ARFIP1: variants seen among roughly 807,000 people sequenced by gnomAD.
ARFIP1 encodes the protein arfaptin-1.
Under a neutral mutation model 42.5 loss-of-function variants are expected in ARFIP1, and 24 were observed. The ratio of observed to expected loss-of-function variants is 0.57; its 90% CI spans 0.41 to 0.80. The LOEUF (loss-of-function observed/expected upper bound fraction) is 0.80, where lower values mean the gene tolerates loss of function less well. ARFIP1 is among the 30% of genes least tolerant of loss of function. The pLI is 0.00. For synonymous variants in ARFIP1, 141 were observed against 153.7 expected (o/e 0.92, Z 0.61); for missense variants, 354 against 434.0 (o/e 0.82, Z 1.64).
intron 1 of ARFIP1, among the ~76,000 whole-genome samples, chr4:152,814,632 G>A (rs1729728676): frequency 6.6e-6 from 1 of 152,222 alleles, no homozygotes; most frequent in African/African-American, 2.4e-5. Flanking sequence ...CAAGGCTGCA[G>A]TGATTCATGA....
intron 1 of ARFIP1, among the ~76,000 whole-genome samples, chr4:152,811,926 G>A (rs972443146): frequency 6.6e-6 from 1 of 152,100 alleles, no homozygotes; most frequent in Non-Finnish European, 1.5e-5. Flanking sequence ...CCCAAAATGG[G>A]TCATTCTTTG....
chr4:152,828,587 T>C (rs548352499), intron 1 of ARFIP1, among the ~76,000 whole-genome samples: 1 of 152,346 alleles, frequency 6.6e-6, no homozygotes, highest in South Asian at 2.1e-4. Context: ...TTCTTAATGT[T>C]GAGTATTAAG....
At chr4:152,832,158 A>G (rs1288985359) in intron 2 of ARFIP1, among the ~76,000 whole-genome samples, 1 of 152,180 alleles carries the variant, frequency 6.6e-6, no homozygotes, top group Non-Finnish European at 1.5e-5. Flanking sequence ...TTGCCAGGTC[A>G]CGAGTATATG....
At chr4:152,796,156 A>G (rs1332920502) in intron 1 of ARFIP1, 5 of 752,338 alleles carry the variant, frequency 6.6e-6, no homozygotes, top group Admixed American at 3.6e-5. Context: ...TCCCTGTGTC[A>G]CAAGGCCCAC....
intron 5 of ARFIP1, among the ~76,000 whole-genome samples, chr4:152,877,654 T>C (rs1055695035): frequency 2.0e-5 from 3 of 152,262 alleles, no homozygotes; most frequent in African/African-American, 7.2e-5. Context: ...TGGAATGATA[T>C]GGTTTGGTTG....
chr4:152,784,854 A>G (rs935966007), intron 1 of ARFIP1, among the ~76,000 whole-genome samples: 1 of 152,248 alleles, frequency 6.6e-6, no homozygotes, highest in African/African-American at 2.4e-5. Flanking sequence ...TTATTTTTGT[A>G]TATCTGTGAT....
chr4:152,894,836 A>G (rs550748342), intron 8 of ARFIP1, among the ~76,000 whole-genome samples: 1 of 152,302 alleles, frequency 6.6e-6, no homozygotes, highest in South Asian at 2.1e-4. Context: ...ATGGTCACTT[A>G]AGAGTGGTTG....
rs1204982486 is a variant in ARFIP1 at position 152,910,157 on chromosome 4, C to T, written c.1060C>T (p.Gln354Ter). The T allele has an allele frequency of 1.9e-6, 3 of 1,614,054 alleles. No homozygotes were observed. Among genetic ancestry groups the T allele is most frequent in the East Asian group, 4.5e-5 (2 of 44,894 alleles). Residue 354 changes from glutamine to a stop codon, truncating the protein, a stop_gained, in exon 9 of 9, where the codon CAG (glutamine) becomes TAG (stop). Coordinates refer to ENST00000353617, the MANE Select transcript of ARFIP1 (RefSeq NM_001025595.3). LOFTEE classifies it high-confidence loss of function. ...GAAGCAGCTTGAACAGACACTTAAA[C>T]AGTTCCATATCAAATTGAAAACCCC... ...NQKQLEQTLK[Q>*]FHIKLKTPGV...
At chr4:152,855,168 G>C (rs1733322377) in intron 2 of ARFIP1, among the ~76,000 whole-genome samples, 1 of 152,188 alleles carries the variant, frequency 6.6e-6, no homozygotes, top group Non-Finnish European at 1.5e-5. Context: ...GGTGGTAGCA[G>C]CTGAGTGGGT....
intron 1 of ARFIP1, among the ~76,000 whole-genome samples, chr4:152,789,628 G>GT (rs762998720): frequency 1.3e-5 from 2 of 152,186 alleles, no homozygotes; most frequent in Non-Finnish European, 2.9e-5. Context: ...TTCTATAAGA[G>GT]TTTTTTGTCT....
chr4:152,879,483 A>G (rs1735647784), intron 5 of ARFIP1, among the ~76,000 whole-genome samples: 1 of 152,142 alleles, frequency 6.6e-6, no homozygotes. Context: ...TTCATGCATT[A>G]TTTTAATTTT....
At chr4:152,857,748 C>T (rs567294965) in intron 2 of ARFIP1, among the ~76,000 whole-genome samples, 15 of 152,302 alleles carry the variant, frequency 9.8e-5, no homozygotes, top group African/African-American at 2.9e-4. Flanking sequence ...CTTTATCTGT[C>T]ACTCTCTATC....
chr4:152,895,774 C>T (rs1737271848), intron 8 of ARFIP1, among the ~76,000 whole-genome samples: 2 of 152,048 alleles, frequency 1.3e-5, no homozygotes, highest in South Asian at 4.2e-4. Context: ...GTTGCCCAGG[C>T]TGTTTTCAAA....
intron 3 of ARFIP1, among the ~76,000 whole-genome samples, chr4:152,864,957 G>A (rs1003782317): frequency 2.2e-5 from 3 of 136,990 alleles, no homozygotes; most frequent in South Asian, 2.3e-4. Flanking sequence ...AAGTAAAGCC[G>A]TGTAAACATT....
intron 2 of ARFIP1, among the ~76,000 whole-genome samples, chr4:152,833,744 G>C (rs1229040274): frequency 6.6e-6 from 1 of 152,196 alleles, no homozygotes; most frequent in Non-Finnish European, 1.5e-5. Flanking sequence ...GGTGAACCTG[G>C]AAGATATTAG....
intron 1 of ARFIP1, among the ~76,000 whole-genome samples, chr4:152,790,770 G>A (rs1578802826): frequency 9.3e-6 from 1 of 107,460 alleles, no homozygotes; most frequent in Non-Finnish European, 1.7e-5. Context: ...ATCTCAATCT[G>A]TTGCCCAGGC....
chr4:152,832,424 G>C (rs1731324107), intron 2 of ARFIP1, among the ~76,000 whole-genome samples: 1 of 152,026 alleles, frequency 6.6e-6, no homozygotes, highest in African/African-American at 2.4e-5. Flanking sequence ...TTTCTACTGG[G>C]TGTGTGTCTT....
intron 8 of ARFIP1, among the ~76,000 whole-genome samples, chr4:152,896,980 G>A (rs564024939): frequency 1.3e-5 from 2 of 152,222 alleles, no homozygotes; most frequent in East Asian, 1.9e-4. Flanking sequence ...GTGCAATATC[G>A]TACCTTTCAT....
At chr4:152,808,294 T>TTTTTTTTTTTTTTTG (rs1729163123) in intron 1 of ARFIP1, among the ~76,000 whole-genome samples, 1 of 109,400 alleles carries the variant, frequency 9.1e-6, no homozygotes, top group African/African-American at 3.5e-5. Context: ...TTTTTTTTTT[T>TTTTTTTTTTTTTTTG]TTTTTTTTTT....
Sources: allele counts gnomAD v4.1 joint callset (sites outside exome capture counted in the v4.1 genomes callset), GRCh38; gene constraint gnomAD v4.1.1; transcripts MANE v1.5; gene names NCBI Gene and HGNC (gene_info 2026-07-23, HGNC 2026-07-21).